Variants in ARHGEF3 observed in about 807,000 individuals in gnomAD.
The protein encoded by ARHGEF3 is 59.8 kDA protein.
Under a neutral mutation model 63.2 loss-of-function variants are expected in ARHGEF3, and 28 were observed. The observed-to-expected ratio is 0.44, with a 90% confidence interval of 0.33 to 0.61. ARHGEF3 has a LOEUF of 0.61. Among genes scored for constraint, ARHGEF3 ranks in the 20% least tolerant of loss-of-function variants. ARHGEF3 has a pLI of 0.03. For synonymous variants in ARHGEF3, 266 were observed against 254.2 expected, an observed-to-expected ratio of 1.05 and a Z score of -0.44; for missense variants, 533 against 659.3, an observed-to-expected ratio of 0.81 and a Z score of 2.10.
At chr3:57,028,548 G>T (rs1170021001) in intron 2 of ARHGEF3, among the ~76,000 whole-genome samples, 1 of 99,114 alleles carries the variant, frequency 1.0e-5, no homozygotes, top group Non-Finnish European at 2.0e-5. Flanking sequence ...GTGGTGGGGT[G>T]GGGGGAGGGG....
chr3:57,036,271 T>C (rs1262841133), intron 1 of ARHGEF3, among the ~76,000 whole-genome samples: 1 of 152,088 alleles, frequency 6.6e-6, no homozygotes, highest in East Asian at 1.9e-4. Context: ...CATCTCCAAG[T>C]ATGAGCTGTG....
At chr3:57,059,199 T>C (rs1308457011) in intron 1 of ARHGEF3, among the ~76,000 whole-genome samples, 1 of 152,196 alleles carries the variant, frequency 6.6e-6, no homozygotes, top group Non-Finnish European at 1.5e-5. Flanking sequence ...CTTTTTTTAC[T>C]ATAAAATATA....
chr3:56,884,654 C>T (rs893301250), intron 3 of ARHGEF3, among the ~76,000 whole-genome samples: 1 of 152,214 alleles, frequency 6.6e-6, no homozygotes, highest in Non-Finnish European at 1.5e-5. Flanking sequence ...AAATACTCCA[C>T]TCAGCGTCCT....
chr3:57,003,103 G>T (rs1702324471), intron 2 of ARHGEF3, among the ~76,000 whole-genome samples: 2 of 151,378 alleles, frequency 1.3e-5, no homozygotes, highest in African/African-American at 4.8e-5. Context: ...AGATGAGGAA[G>T]CTCCTTAAAA....
At chr3:56,773,639 G>T (rs780366444) in intron 2 of ARHGEF3, 70 bp downstream of exon 2, 6 of 1,323,342 alleles carry the variant, frequency 4.5e-6, no homozygotes, top group Non-Finnish European at 5.1e-6. Context: ...GAAATTCTAG[G>T]TAGGATGGGG....
chr3:56,738,996 G>A (rs1265909552), intron 7 of ARHGEF3, among the ~76,000 whole-genome samples: 1 of 152,138 alleles, frequency 6.6e-6, no homozygotes, highest in African/African-American at 2.4e-5. Flanking sequence ...TTGGGAGGCT[G>A]AGGTGGGAAA....
At chr3:56,858,103 G>T (rs977338047) in intron 4 of ARHGEF3, among the ~76,000 whole-genome samples, 2 of 151,946 alleles carry the variant, frequency 1.3e-5, no homozygotes, top group South Asian at 4.2e-4. Context: ...AATTAGCCAG[G>T]CATGGTGGTG....
chr3:56,865,197 G>A (rs1163285234), intron 4 of ARHGEF3, among the ~76,000 whole-genome samples: 6 of 152,106 alleles, frequency 3.9e-5, no homozygotes, highest in Admixed American at 3.9e-4. Context: ...AAATGAAGTC[G>A]CAGCCTCAAT....
rs1239113895 is a variant in ARHGEF3, at chr3:56,992,024, C to CTCTCTCTCTGTGTG, written c.63-33136_63-33135insCACACAGAGAGAGA. On this transcript the variant is annotated intron_variant, in intron 2 of 12. Transcript: ENST00000338458. ...TCTCACTCTCTCTCCCCTCCTCTCTCTGTGTGTGTGTGTGTGTGTGTGTGT... is the reference window on the plus strand; with the variant it reads ...TCTCACTCTCTCTCCCCTCCTCTCTCTCTCTCTCTGTGTGTGTGTGTGTGTGTGTGTGTGTGTGT... Among the ~76,000 whole-genome samples, 314 of 131,704 alleles carry CTCTCTCTCTGTGTG rather than the reference C, an allele frequency of 2.4e-3. 5 individuals are homozygous for CTCTCTCTCTGTGTG. The highest frequency in any genetic ancestry group is 8.4e-3 in the African/African-American group (291 of 34,438). The allele number at this position is 131,704 out of a possible 152,430, so 86.4% of individuals were successfully genotyped here.
chr3:57,077,639 A>AGC (rs2107434867), intron 1 of ARHGEF3, among the ~76,000 whole-genome samples: 2 of 152,274 alleles, frequency 1.3e-5, no homozygotes, highest in South Asian at 4.1e-4. Context: ...GGACCCTTAA[A>AGC]TAGACTCCCA....
chr3:56,775,364 T>G, intron 1 of ARHGEF3: 1 of 1,079,784 alleles, frequency 9.3e-7, no homozygotes. Flanking sequence ...TTCCAGCATT[T>G]GCATATAAAA....
chr3:56,943,624 A>C (rs1699301192), intron 3 of ARHGEF3, among the ~76,000 whole-genome samples: 1 of 152,148 alleles, frequency 6.6e-6, no homozygotes, highest in African/African-American at 2.4e-5. Context: ...TAAAAAATAC[A>C]TCTCTTTAGG....
chr3:57,074,467 C>G (rs1706114934), intron 1 of ARHGEF3: 3 of 602,644 alleles, frequency 5.0e-6, no homozygotes. Context: ...AATCAAGATT[C>G]AGAAAGGTTA....
chr3:56,966,312 G>A (rs1028034383), intron 2 of ARHGEF3, among the ~76,000 whole-genome samples: 2 of 152,208 alleles, frequency 1.3e-5, no homozygotes, highest in Non-Finnish European at 2.9e-5. Context: ...TGTATATGTA[G>A]GATGAGGGCC....
chr3:56,767,376 A>AT (rs1356615659), intron 2 of ARHGEF3, among the ~76,000 whole-genome samples: 3 of 151,896 alleles, frequency 2.0e-5, no homozygotes, highest in African/African-American at 7.3e-5. Context: ...AGGTCAGGAG[A>AT]TTGAGGCCAT....
chr3:56,873,680 G>T (rs1390121674), intron 4 of ARHGEF3, among the ~76,000 whole-genome samples: 1 of 152,114 alleles, frequency 6.6e-6, no homozygotes, highest in Non-Finnish European at 1.5e-5. Context: ...AAAGTTTTGG[G>T]ATTACAGGTG....
intron 2 of ARHGEF3, chr3:56,977,393 T>G (rs1226590000): frequency 1.1e-5 from 5 of 447,422 alleles, no homozygotes; most frequent in Non-Finnish European, 9.0e-6. Context: ...GGGCCAGCAC[T>G]TGCATCAGCA....
chr3:57,056,786 G>C (rs1704957686), intron 1 of ARHGEF3, among the ~76,000 whole-genome samples: 1 of 152,004 alleles, frequency 6.6e-6, no homozygotes, highest in Non-Finnish European at 1.5e-5. Context: ...ATACCACAAG[G>C]TCCTCTATGA....
At chr3:57,036,512 A>G (rs1370773281) in intron 1 of ARHGEF3, among the ~76,000 whole-genome samples, 2 of 152,188 alleles carry the variant, frequency 1.3e-5, no homozygotes, top group Non-Finnish European at 2.9e-5. Flanking sequence ...AGTCTGAGCC[A>G]TAACTCTGGG....
Sources: allele counts gnomAD v4.1 joint callset (sites outside exome capture counted in the v4.1 genomes callset), GRCh38; gene constraint gnomAD v4.1.1; transcripts MANE v1.5; gene names NCBI Gene and HGNC (gene_info 2026-07-23, HGNC 2026-07-21).